Variants in EPG5 observed in about 807,000 individuals in gnomAD.
EPG5 encodes the protein ectopic P granules protein 5 homolog.
In EPG5, 159 loss-of-function variants were observed where a neutral mutation model predicts 302.7. The observed-to-expected ratio is 0.53, with a 90% CI of 0.46 to 0.60. EPG5 has a LOEUF of 0.60. EPG5 is among the 20% of genes least tolerant of loss of function. The pLI is 0.00. For missense variants in EPG5, 2,896 were observed against 3,092.4 expected (o/e 0.94, Z 1.51); for synonymous variants, 1,158 against 1,136.8 (o/e 1.02, Z -0.37).
In EPG5 at chr18:45,917,929, C is replaced by T. The variant is rs2050069659; in HGVS notation, c.3099-110G>A. On this transcript the variant is annotated intron_variant, in intron 16 of 43. Coordinates refer to ENST00000282041, the MANE Select transcript of EPG5 (RefSeq NM_020964.3). ...ACCTTGGGTTATCTCAGGTCTCCAA[C>T]ACATGTTTTATACCCAATCTTCACA... The T allele has an allele frequency of 1.0e-5, 11 of 1,094,996 alleles. No individual in the cohort carries two copies. The South Asian group carries it at 1.7e-4, about 17-fold the overall frequency. 67.8% of individuals were successfully genotyped at this position (1,094,996 alleles called of 1,614,324 possible).
intron 1 of EPG5, among the ~76,000 whole-genome samples, chr18:45,957,427 A>C (rs989238140): frequency 2.6e-5 from 4 of 152,232 alleles, no homozygotes; most frequent in African/African-American, 9.6e-5. Flanking sequence ...ACATTATATG[A>C]GTGTTAATAA....
At chr18:45,944,471 T>A (rs1568178011) in intron 7 of EPG5, among the ~76,000 whole-genome samples, 1 of 152,090 alleles carries the variant, frequency 6.6e-6, no homozygotes, top group African/African-American at 2.4e-5. Context: ...GAACCACAGA[T>A]GGGCCGGGCG....
At chr18:45,868,164 G>A (rs1278961089) in intron 36 of EPG5, 2 of 456,436 alleles carry the variant, frequency 4.4e-6, no homozygotes, top group Admixed American at 4.7e-5. Context: ...TAAATGGAAG[G>A]TATATTAAAA....
At chr18:45,916,354 G>A (rs1434004927) in intron 18 of EPG5, 84 bp downstream of exon 18, 1 of 1,557,488 alleles carries the variant, frequency 6.4e-7, no homozygotes, top group African/African-American at 1.4e-5. Flanking sequence ...GATCTGAAAT[G>A]ACTAAAACCT....
At chr18:45,830,581 TTC>T in the EPG5 span, among the ~76,000 whole-genome samples, 2 of 118,536 alleles carry the variant, frequency 1.7e-5, no homozygotes, top group South Asian at 3.0e-4. Flanking sequence ...ATATTTTTCT[TTC>T]TTTTTTTTTT....
At position 45,925,768 on chromosome 18, in the gene EPG5, A is replaced by G. The variant is rs746618006; in HGVS notation, c.2688T>C (p.Leu896=). 2 of 1,559,992 alleles carry G rather than the reference A, an allele frequency of 1.3e-6. No homozygotes were observed. Among genetic ancestry groups the G allele is most frequent in the Non-Finnish European group, 1.7e-6 (2 of 1,158,938 alleles). ...TAGCAAATCCCCAATTCAGTCCTTC[A>G]AGAATAACACAGGCCAGTTTATTCT... The part of the protein sequence containing the change: ...VVKNKLACVI[L]EGLNWGFAKQ... Residue 896 remains leucine (L), a synonymous_variant, in exon 14 of 44, where the codon CTT becomes CTC. Transcript: ENST00000282041.
intron 22 of EPG5, among the ~76,000 whole-genome samples, chr18:45,911,289 GTT>G (rs920890095): frequency 1.6e-5 from 2 of 127,400 alleles, no homozygotes; most frequent in African/African-American, 2.9e-5. Flanking sequence ...GCGCTGGGTT[GTT>G]TTTTTTTTTT....
chr18:45,910,753 A>C lies in EPG5; in HGVS notation c.3984-11T>G. On this transcript the variant is annotated splice_polypyrimidine_tract_variant and intron_variant, in intron 22 of 43. Coordinates refer to ENST00000282041, the MANE Select transcript of EPG5 (RefSeq NM_020964.3). ...CCATCTATGGGTAACCTTAAAAAAC[A>C]CAAGCACAGATCTATAACCTTTCAA... 1 of 1,603,882 alleles carries C rather than the reference A, an allele frequency of 6.2e-7. No homozygotes were observed. The highest frequency in any genetic ancestry group is 8.5e-7 in the Non-Finnish European group (1 of 1,171,216).
chr18:45,837,606 C>G, the EPG5 span: 1 of 1,509,850 alleles, frequency 6.6e-7, no homozygotes, highest in Non-Finnish European at 8.8e-7. Context: ...TTCACGCACC[C>G]GCACCGCCAC....
intron 9 of EPG5, among the ~76,000 whole-genome samples, 181 bp downstream of exon 9, chr18:45,942,980 T>C (rs2050703608): frequency 6.6e-6 from 1 of 152,116 alleles, no homozygotes; most frequent in African/African-American, 2.4e-5. Flanking sequence ...ATTAACGAAA[T>C]ACTCTAACTG....
intron 10 of EPG5, 141 bp downstream of exon 10, chr18:45,939,459 C>A: frequency 1.4e-6 from 1 of 738,906 alleles, no homozygotes; most frequent in South Asian, 2.1e-5. Context: ...AAACCAAGGC[C>A]CAAGAATTTG....
At chr18:45,825,577 T>G in the EPG5 span, 31 of 710,362 alleles carry the variant, frequency 4.4e-5, no homozygotes, top group Non-Finnish European at 7.2e-5. Context: ...TGTCCCCAGT[T>G]CCTCCGGCTC....
At chr18:45,829,526 A>G in the EPG5 span, among the ~76,000 whole-genome samples, 7 of 152,124 alleles carry the variant, frequency 4.6e-5, no homozygotes, top group African/African-American at 1.7e-4. Flanking sequence ...CCACATACCT[A>G]CAGGTGAGGT....
chr18:45,866,646 G>A (rs144243004), intron 38 of EPG5, 152 bp downstream of exon 38: 175 of 663,266 alleles, frequency 2.6e-4, no homozygotes, highest in African/African-American at 2.6e-3. Context: ...CAACCCAAAA[G>A]ATCTACAAGG....
chr18:45,825,636 G>C, the EPG5 span: 5 of 1,343,424 alleles, frequency 3.7e-6, no homozygotes, highest in Non-Finnish European at 5.2e-6. Flanking sequence ...GCCCACCCCC[G>C]CCCGCCTTCC....
In EPG5 at chr18:45,860,334, T is replaced by C. The variant is rs1161045934; in HGVS notation, c.6779A>G (p.Gln2260Arg). The C allele has an allele frequency of 1.2e-6, 2 of 1,614,250 alleles. No homozygotes were observed. Among genetic ancestry groups the C allele is most frequent in the Admixed American group, 1.7e-5 (1 of 60,030 alleles). Residue 2260 changes from glutamine (Q) to arginine (R), a missense_variant, in exon 40 of 44, where the codon CAG becomes CGG. Coordinates refer to ENST00000282041, the MANE Select transcript of EPG5 (RefSeq NM_020964.3). Reference sequence around the variant, plus strand: ...GCTGCTGAGGGCCATGTGGCGGGTCTGGCTGTCCATGTCTGAAAGGAATAT... The same window carrying C: ...GCTGCTGAGGGCCATGTGGCGGGTCCGGCTGTCCATGTCTGAAAGGAATAT... ...IVFNPPDMDS[Q>R]TRHMALSSLF...
intron 9 of EPG5, among the ~76,000 whole-genome samples, chr18:45,941,871 C>T (rs944612882): frequency 3.3e-5 from 5 of 152,194 alleles, no homozygotes; most frequent in Non-Finnish European, 7.3e-5. Context: ...CACCAGCCAT[C>T]CTCCCTCCCA....
chr18:45,917,752 T>C lies in EPG5; in HGVS notation c.3166A>G (p.Thr1056Ala), dbSNP rs752551701. ...GILVQSRHLRTVVHVLDKILP... is the reference protein window; with the variant it reads ...GILVQSRHLRAVVHVLDKILP... ...ATCTTATCCAGGACATGAACCACTG[T>C]TCTCAAATGTCTTGACTGGACCAGA... Residue 1056 changes from threonine (T) to alanine (A), a missense_variant, in exon 17 of 44, where the codon ACA becomes GCA. Physicochemically the swap from Thr to Ala is moderately conservative, Grantham distance 58. Transcript: ENST00000282041. 8 of 1,613,958 alleles carry C rather than the reference T, an allele frequency of 5.0e-6. No individual in the cohort carries two copies. In the East Asian group the frequency reaches 1.6e-4, roughly 31 times the overall value.
At chr18:45,909,508 G>A (rs1222233154) in intron 23 of EPG5, among the ~76,000 whole-genome samples, 1 of 152,128 alleles carries the variant, frequency 6.6e-6, no homozygotes, top group Non-Finnish European at 1.5e-5. Flanking sequence ...CCTAGCTATT[G>A]TGTATTGAGG....
Sources: gnomAD v4.1 joint callset for allele counts (sites outside exome capture counted in the v4.1 genomes callset) on GRCh38, gnomAD v4.1.1 for gene constraint, MANE v1.5 for transcripts, NCBI Gene and HGNC (gene_info 2026-07-23, HGNC 2026-07-21) for gene names.